Variants in EMX1 observed in about 807,000 individuals in gnomAD.
The protein encoded by EMX1 is homeobox protein EMX1.
Under a neutral mutation model 20.1 loss-of-function variants are expected in EMX1, and 10 were observed. That is an observed-to-expected ratio of 0.50 (90% CI 0.31 to 0.84). The LOEUF is 0.84. Among genes scored for constraint, EMX1 ranks in the 40% least tolerant of loss-of-function variants. The probability of loss-of-function intolerance (pLI) is 0.05; values close to 1 mark genes in which losing one functional copy is unlikely to be tolerated. For synonymous variants in EMX1, 250 were observed against 200.4 expected (o/e 1.25, Z -2.09); for missense variants, 424 against 431.9 (o/e 0.98, Z 0.16).
At chr2:72,924,096 C>CCCCCGCGGAGTGGTTCCCCCGCG (rs1218886362) in intron 1 of EMX1, 1 of 629,192 alleles carries the variant, frequency 1.6e-6, no homozygotes, top group Non-Finnish European at 2.8e-6. Context: ...GAGTGGCTCT[C>CCCCCGCGGAGTGGTTCCCCCGCG]GAGTGCGGGG....
At chr2:72,918,982 G>A (rs112083223) in intron 1 of EMX1, among the ~76,000 whole-genome samples, 2,347 of 152,332 alleles carry the variant, frequency 0.015, 56 homozygotes, top group African/African-American at 0.053. Context: ...ACCCAAGGTG[G>A]GGAAGGTTTG....
rs554402266 is a variant in EMX1, at chr2:72,917,533, A to T, written c.-320A>T. The T allele has an allele frequency of 3.2e-5, 6 of 189,544 alleles. No individual in the cohort carries two copies. Among genetic ancestry groups the T allele is most frequent in the Non-Finnish European group, 5.3e-5 (5 of 93,668 alleles). 11.7% of individuals were successfully genotyped at this position (189,544 alleles called of 1,614,324 possible). ...AGGTGCCCGCTAACTCGCGCCTCGCAGCGCTGGGCGGCCGGGGCTGGGCAG... is the reference window on the plus strand; with the variant it reads ...AGGTGCCCGCTAACTCGCGCCTCGCTGCGCTGGGCGGCCGGGGCTGGGCAG... On this transcript the variant is annotated 5_prime_UTR_variant, in exon 1 of 3. Transcript: ENST00000258106.
intron 1 of EMX1, chr2:72,923,399 C>A (rs2105265285): frequency 6.6e-6 from 1 of 152,284 alleles, no homozygotes; most frequent in African/African-American, 2.4e-5. Flanking sequence ...ACACATGTTT[C>A]TTTAGCAAGG....
intron 2 of EMX1, among the ~76,000 whole-genome samples, chr2:72,927,372 T>C (rs369163433): frequency 1.1e-4 from 17 of 152,186 alleles, no homozygotes; most frequent in African/African-American, 3.4e-4. Flanking sequence ...ATCTGTGAGA[T>C]TGAATGACAC....
rs1464627206 is a variant in EMX1 at position 72,924,142 on chromosome 2, C to T, written c.521-167C>T. On this transcript the variant is annotated intron_variant, in intron 1 of 2. Coordinates refer to ENST00000258106, the MANE Select transcript of EMX1 (RefSeq NM_004097.3). Reference sequence around the variant, plus strand: ...GAGGGGAGTGGACTTAGGGAAGGGGCGGCAAAAGGGCAAAGGGAGAAATGG... The same window carrying T: ...GAGGGGAGTGGACTTAGGGAAGGGGTGGCAAAAGGGCAAAGGGAGAAATGG... 1.7e-5 allele frequency: 14 copies of T among 823,676 alleles called. 1 individual carries two copies. Among genetic ancestry groups the T allele is most frequent in the Middle Eastern group, 2.2e-4 (1 of 4,516 alleles). The allele number at this position is 823,676 out of a possible 1,614,324, so 51.0% of individuals were successfully genotyped here.
chr2:72,929,752 G>A (rs976333568), intron 2 of EMX1, among the ~76,000 whole-genome samples: 3 of 152,166 alleles, frequency 2.0e-5, no homozygotes, highest in African/African-American at 7.2e-5. Context: ...CTGAAATATC[G>A]GCTGGAGCCA....
intron 1 of EMX1, chr2:72,923,470 A>T (rs993816988): frequency 6.6e-6 from 1 of 152,064 alleles, no homozygotes; most frequent in Non-Finnish European, 1.5e-5. Context: ...TGGAGTCTCC[A>T]GTGTGTGTGT....
intron 2 of EMX1, chr2:72,925,535 C>G (rs1396878903): frequency 1.6e-6 from 2 of 1,288,330 alleles, no homozygotes; most frequent in African/African-American, 1.5e-5. Flanking sequence ...CCCAGAGTTG[C>G]GAGAGGCCGG....
Position 72,918,229 on chromosome 2 carries a change from C to G in EMX1, c.377C>G (p.Pro126Arg), listed in dbSNP as rs1671026161. ...GTGTTCCCCGAGGCCATGAACCACC[C>G]CGCGCTGACCGTGCATCCGGCGCAC... The part of the protein sequence containing the change: ...ELVFPEAMNH[P>R]ALTVHPAHQL... Residue 126 changes from proline to arginine, a missense_variant, in exon 1 of 3, where the codon CCC (proline) becomes CGC (arginine). By Grantham distance (103) the Pro-to-Arg change is moderately radical (BLOSUM62 -2). Around this residue, in one of 2 missense-constraint regions of EMX1, gnomAD observed 333 missense variants for 296.6 expected, o/e 1.12. Transcript: ENST00000258106. The G allele has an allele frequency of 2.5e-6, 4 of 1,581,076 alleles. No individual in the cohort carries two copies. In the East Asian group the frequency reaches 7.1e-5, roughly 28 times the overall value.
chr2:72,918,311 G>T lies in EMX1; in HGVS notation c.459G>T (p.Arg153=). 6.4e-7 allele frequency: 1 copy of T among 1,568,676 alleles called. No homozygotes were observed. The highest frequency in any genetic ancestry group is 8.6e-7 in the Non-Finnish European group (1 of 1,168,672). Residue 153 remains arginine, a synonymous_variant, in exon 1 of 3, where the codon CGG becomes CGT. Transcript: ENST00000258106. ...ACTCCTTCTTCGGCGCCCAGCACCG[G>T]GACCCTCTCCATTTCTACCCCTGGG... The part of the protein sequence containing the change: ...PPHSFFGAQH[R]DPLHFYPWVL...
rs1671032374 is a variant in EMX1 at position 72,918,380 on chromosome 2, T to G, written c.520+8T>G. ...TCGGCCACCGCTTCCAGGGTGAGTG[T>G]CCACGCTGTGCCCGCCGAGGCGGCC... On this transcript the variant is annotated splice_region_variant and intron_variant, in intron 1 of 2. Coordinates refer to ENST00000258106, the MANE Select transcript of EMX1 (RefSeq NM_004097.3). 2 of 1,391,970 alleles carry G rather than the reference T, an allele frequency of 1.4e-6. No individual in the cohort carries two copies. Among genetic ancestry groups the G allele is most frequent in the Non-Finnish European group, 1.9e-6 (2 of 1,077,678 alleles). The allele number at this position is 1,391,970 out of a possible 1,614,324, so 86.2% of individuals were successfully genotyped here.
At chr2:72,929,666 G>A (rs1422212837) in intron 2 of EMX1, among the ~76,000 whole-genome samples, 2 of 152,210 alleles carry the variant, frequency 1.3e-5, no homozygotes, top group African/African-American at 4.8e-5. Context: ...CCATTTGCAG[G>A]AGTGGTGAAA....
At chr2:72,918,514 G>A (rs1671038810) in intron 1 of EMX1, 142 bp downstream of exon 1, 1 of 1,207,720 alleles carries the variant, frequency 8.3e-7, no homozygotes, top group Non-Finnish European at 1.1e-6. Context: ...TTCCCAGGCA[G>A]GGAAGAGCTG....
Position 72,933,603 on chromosome 2 carries a change from C to G in EMX1, c.706-184C>G. ...TGTGTCCTCTTCCTGCCCTGCCATC[C>G]CCTTCTGTGAATGTTAGACCCATGG... On this transcript the variant is annotated intron_variant, in intron 2 of 2. Transcript: ENST00000258106. 6 of 647,302 alleles carry G rather than the reference C, an allele frequency of 9.3e-6. 1 individual carries two copies. The South Asian group carries it at 1.2e-4, about 13-fold the overall frequency. The allele number at this position is 647,302 out of a possible 1,614,324, so 40.1% of individuals were successfully genotyped here. A position where few individuals can be genotyped will look rare whatever the true frequency, so the allele number is the denominator to read the frequency against.
upstream of EMX1, chr2:72,917,131 A>AC: frequency 1.6e-6 from 1 of 613,520 alleles, no homozygotes; most frequent in South Asian, 2.0e-5. Flanking sequence ...AATGTGTTGG[A>AC]CCCCAAACAT....
At chr2:72,921,067 C>CCGG (rs139242726) in intron 1 of EMX1, among the ~76,000 whole-genome samples, 3,211 of 152,296 alleles carry the variant, frequency 0.021, 109 homozygotes, top group African/African-American at 0.072. Flanking sequence ...GAGCCCCTGG[C>CCGG]CGGCGGCGGC....
intron 1 of EMX1, among the ~76,000 whole-genome samples, chr2:72,918,610 C>T (rs115608752): frequency 0.03 from 4,558 of 152,308 alleles, 99 homozygotes; most frequent in Non-Finnish European, 0.048. Flanking sequence ...GAAAATATAC[C>T]AGTTCGGACG....
Position 72,920,133 on chromosome 2 carries a change from A to T in EMX1, c.520+1761A>T, listed in dbSNP as rs372479439. ...GGGCCGCACCCTCGGCTTCGAATCC[A>T]GCCCCTGACGCCCTCCGCACCGCGG... On this transcript the variant is annotated intron_variant, in intron 1 of 2. Coordinates refer to ENST00000258106, the MANE Select transcript of EMX1 (RefSeq NM_004097.3). Among the ~76,000 whole-genome samples, 12 of 152,308 alleles carry T rather than the reference A, an allele frequency of 7.9e-5. No homozygotes were observed. In the East Asian group the frequency reaches 2.1e-3, roughly 27 times the overall value.
chr2:72,922,956 G>A (rs1314131606), intron 1 of EMX1, among the ~76,000 whole-genome samples: 1 of 152,144 alleles, frequency 6.6e-6, no homozygotes, highest in African/African-American at 2.4e-5. Context: ...ATCCATCTAG[G>A]GTTCCGTGTT....
Sources: gnomAD v4.1 joint callset for allele counts (sites outside exome capture counted in the v4.1 genomes callset) on GRCh38, gnomAD v4.1.1 for gene constraint, gnomAD v4.1.1 regional missense constraint, MANE v1.5 for transcripts, NCBI Gene and HGNC (gene_info 2026-07-23, HGNC 2026-07-21) for gene names.